GRB14: variants seen among roughly 807,000 people sequenced by gnomAD.
GRB14 encodes growth factor receptor-bound protein 14.
GRB14 carries 38 observed loss-of-function variants against 69.1 expected under a neutral mutation model. That is an observed-to-expected ratio of 0.55 (90% confidence interval 0.42 to 0.72). The LOEUF is 0.72. GRB14 is among the 30% of genes least tolerant of loss of function. The pLI is 0.00. For missense variants in GRB14, 666 were observed against 666.1 expected, an observed-to-expected ratio of 1.00 and a Z score of 0.00; for synonymous variants, 247 against 241.3, an observed-to-expected ratio of 1.02 and a Z score of -0.22.
chr2:164,538,008 A>C (rs191205088), intron 3 of GRB14, among the ~76,000 whole-genome samples: 20 of 152,224 alleles, frequency 1.3e-4, no homozygotes, highest in Non-Finnish European at 5.9e-5. Flanking sequence ...TGTTAAAAAA[A>C]AAAAAGAGCG....
chr2:164,586,382 G>A (rs1278770600), intron 2 of GRB14, among the ~76,000 whole-genome samples: 3 of 152,156 alleles, frequency 2.0e-5, no homozygotes, highest in Non-Finnish European at 4.4e-5. Flanking sequence ...TTTTAACAAA[G>A]AATATGACAT....
chr2:164,560,548 A>G, intron 2 of GRB14, among the ~76,000 whole-genome samples: 1 of 152,288 alleles, frequency 6.6e-6, no homozygotes, highest in East Asian at 1.9e-4. Context: ...TGAATTTTTA[A>G]GATAAATGAT....
At chr2:164,536,118 C>G (rs1688073809) in intron 3 of GRB14, among the ~76,000 whole-genome samples, 1 of 152,320 alleles carries the variant, frequency 6.6e-6, no homozygotes, top group Admixed American at 6.5e-5. Context: ...CAAGCCTATT[C>G]CTTCTATGTA....
In GRB14 at chr2:164,497,444, T is replaced by C; in HGVS notation, c.1151A>G (p.Gln384Arg). Residue 384 changes from glutamine to arginine, a missense_variant, in exon 10 of 14, where the codon CAG (glutamine) becomes CGG (arginine). Gln to Arg is a conservative substitution (Grantham distance 43). Coordinates refer to ENST00000263915, the MANE Select transcript of GRB14 (RefSeq NM_004490.3). ...GGGATTTTCTATAACTCTGCTTTTC[T>C]GGCCTGAGAAGTCCATTGCTACCAG... ...NSLVAMDFSG[Q>R]KSRVIENPTE... 2 of 1,613,736 alleles carry C rather than the reference T, an allele frequency of 1.2e-6. No individual in the cohort carries two copies. The highest frequency in any genetic ancestry group is 1.7e-6 in the Non-Finnish European group (2 of 1,179,728).
At chr2:164,592,079 G>A (rs112765441) in intron 2 of GRB14, among the ~76,000 whole-genome samples, 3,670 of 152,072 alleles carry the variant, frequency 0.024, 143 homozygotes, top group African/African-American at 0.084. Context: ...GTGGAAGTGT[G>A]AATCTATTAA....
intron 2 of GRB14, among the ~76,000 whole-genome samples, chr2:164,558,217 A>G (rs1369171476): frequency 1.3e-5 from 2 of 152,136 alleles, no homozygotes; most frequent in African/African-American, 2.4e-5. Flanking sequence ...AAGAGTACTC[A>G]TTCTTTGGGC....
chr2:164,578,214 C>T (rs1259065697), intron 2 of GRB14, among the ~76,000 whole-genome samples: 2 of 151,408 alleles, frequency 1.3e-5, no homozygotes, highest in East Asian at 3.9e-4. Context: ...GCCTGGGCAA[C>T]AGAGCAAGAC....
intron 5 of GRB14, among the ~76,000 whole-genome samples, chr2:164,524,450 G>T (rs182692997): frequency 1.3e-5 from 2 of 152,180 alleles, no homozygotes; most frequent in Admixed American, 6.6e-5. Flanking sequence ...AAAATAAGGA[G>T]ATTTTTAATT....
chr2:164,608,343 C>T (rs1034474677), intron 2 of GRB14, among the ~76,000 whole-genome samples: 2 of 151,620 alleles, frequency 1.3e-5, no homozygotes, highest in Non-Finnish European at 2.9e-5. Context: ...TGCACCCCAG[C>T]CTGGGCAAAA....
At chr2:164,507,918 C>CA (rs1268390401) in intron 8 of GRB14, among the ~76,000 whole-genome samples, 2 of 152,174 alleles carry the variant, frequency 1.3e-5, no homozygotes, top group Non-Finnish European at 2.9e-5. Flanking sequence ...TCAGCAGCAA[C>CA]AAATTATGCT....
At chr2:164,602,229 A>G (rs922435306) in intron 2 of GRB14, among the ~76,000 whole-genome samples, 10 of 151,912 alleles carry the variant, frequency 6.6e-5, no homozygotes, top group African/African-American at 2.4e-4. Context: ...GGAGTCTGCA[A>G]ACCTTGCCTC....
intron 2 of GRB14, among the ~76,000 whole-genome samples, chr2:164,569,997 A>G (rs1390356196): frequency 6.6e-6 from 1 of 152,204 alleles, no homozygotes; most frequent in African/African-American, 2.4e-5. Context: ...AATAATTTCA[A>G]GAATATCACC....
intron 2 of GRB14, among the ~76,000 whole-genome samples, chr2:164,581,018 C>T (rs1689391236): frequency 1.3e-5 from 2 of 152,198 alleles, no homozygotes; most frequent in Admixed American, 1.3e-4. Flanking sequence ...GGATCTACTA[C>T]CAGTGCCTCT....
intron 3 of GRB14, among the ~76,000 whole-genome samples, chr2:164,546,183 T>C (rs1002246114): frequency 6.6e-6 from 1 of 152,330 alleles, no homozygotes; most frequent in African/African-American, 2.4e-5. Context: ...AAAATTCCCA[T>C]AGATCTTTAA....
intron 2 of GRB14, among the ~76,000 whole-genome samples, chr2:164,555,327 T>G (rs1478712586): frequency 6.6e-6 from 1 of 152,222 alleles, no homozygotes; most frequent in South Asian, 2.1e-4. Flanking sequence ...GGAAAGTCAT[T>G]AATTATGCCA....
intron 2 of GRB14, among the ~76,000 whole-genome samples, chr2:164,587,221 G>A (rs1401802453): frequency 1.3e-5 from 2 of 152,068 alleles, no homozygotes; most frequent in African/African-American, 4.8e-5. Context: ...TGCAAAACTG[G>A]ATGACAGATG....
At chr2:164,584,147 A>ATTTTTTTTTTTTTTTTT (rs55883951) in intron 2 of GRB14, among the ~76,000 whole-genome samples, 6 of 49,900 alleles carry the variant, frequency 1.2e-4, no homozygotes, top group African/African-American at 1.7e-4. Flanking sequence ...CAGCCTGGCT[A>ATTTTTTTTTTTTTTTTT]TTTTTTTTTT....
intron 3 of GRB14, among the ~76,000 whole-genome samples, chr2:164,545,957 G>C (rs1306689338): frequency 6.6e-6 from 1 of 152,162 alleles, no homozygotes; most frequent in Admixed American, 6.5e-5. Context: ...TCTTAAAAAT[G>C]TGAAGGACTT....
intron 2 of GRB14, among the ~76,000 whole-genome samples, chr2:164,552,583 G>C (rs201092616): frequency 1.3e-5 from 2 of 152,086 alleles, no homozygotes; most frequent in African/African-American, 4.8e-5. Flanking sequence ...CTGAGTTTTT[G>C]AAGTCATTGA....
Sources: allele counts gnomAD v4.1 joint callset (sites outside exome capture counted in the v4.1 genomes callset), GRCh38; gene constraint gnomAD v4.1.1; transcripts MANE v1.5; gene names NCBI Gene and HGNC (gene_info 2026-07-23, HGNC 2026-07-21).